Variants in PPARGC1B observed in about 807,000 individuals in gnomAD.
The protein encoded by PPARGC1B is PPARG coactivator 1 beta.
In PPARGC1B, 34 loss-of-function variants were observed where a neutral mutation model predicts 101.6. That is an observed-to-expected ratio of 0.33 (90% CI 0.25 to 0.45). The LOEUF is 0.45. Among genes scored for constraint, PPARGC1B ranks in the 20% least tolerant of loss-of-function variants. PPARGC1B has a pLI of 1.00. For missense variants in PPARGC1B, 1,234 were observed against 1,317.6 expected, an observed-to-expected ratio of 0.94 and a Z score of 0.98; for synonymous variants, 548 against 539.3, an observed-to-expected ratio of 1.02 and a Z score of -0.22.
At position 149,833,461 on chromosome 5, in the gene PPARGC1B, C is replaced by T. The variant is rs759222258; in HGVS notation, c.1388C>T (p.Thr463Met). 78 of 1,571,482 alleles carry T rather than the reference C, an allele frequency of 5.0e-5. No individual in the cohort carries two copies. Among genetic ancestry groups the T allele is most frequent in the Non-Finnish European group, 6.3e-5 (73 of 1,158,276 alleles). ...AGGCCAGGCCGAGGCCTGCCATGGA[C>T]GAAGCTGGGGAGGAAGCTGGAGAGC... ...RKRPGRGLPW[T>M]KLGRKLESSV... Residue 463 changes from threonine (T) to methionine (M), a missense_variant, in exon 5 of 12, where the codon ACG (threonine) becomes ATG (methionine). By Grantham distance (81) the Thr-to-Met change is moderately conservative (BLOSUM62 -1). Transcript: ENST00000309241. This position sits in a 1 kb window ranked among gnomAD's most constrained non-coding sequence, Gnocchi z 4.1.
Position 149,833,038 on chromosome 5 carries a change from A to G in PPARGC1B, c.965A>G (p.Gln322Arg). The G allele has an allele frequency of 6.2e-7, 1 of 1,613,766 alleles. No individual in the cohort carries two copies. The highest frequency in any genetic ancestry group is 2.2e-5 in the East Asian group (1 of 44,874). The change falls in exon 5 of 12, where the codon CAG becomes CGG. Residue 322 changes from glutamine (Q) to arginine (R), a missense_variant. This residue lies in a region of PPARGC1B where 734 missense variants were observed against 768.4 expected (regional missense o/e 0.96). Transcript: ENST00000309241. This position sits in a 1 kb window ranked among gnomAD's most constrained non-coding sequence, Gnocchi z 4.1. ...AAGGCCTGCAGCAACCCCTCCCAGC[A>G]GGTCAGATCCCGGCCCTGGTCCCGG... Reference protein sequence around the residue: ...LPKACSNPSQQVRSRPWSRHH... With the variant: ...LPKACSNPSQRVRSRPWSRHH...
At chr5:149,732,344 TGA>T (rs1311242701) in intron 1 of PPARGC1B, among the ~76,000 whole-genome samples, 1 of 152,148 alleles carries the variant, frequency 6.6e-6, no homozygotes, top group Non-Finnish European at 1.5e-5. Context: ...GAAAAGCGGA[TGA>T]GAGAGGCCTG....
intron 1 of PPARGC1B, among the ~76,000 whole-genome samples, chr5:149,764,523 A>G (rs942337827): frequency 2.0e-5 from 3 of 152,236 alleles, no homozygotes; most frequent in Non-Finnish European, 4.4e-5. Context: ...TGGATTGGAA[A>G]GACTGCATAG....
chr5:149,835,442 G>T, intron 7 of PPARGC1B, 77 bp downstream of exon 7: 1 of 1,315,072 alleles, frequency 7.6e-7, no homozygotes, highest in South Asian at 1.2e-5. Flanking sequence ...TCATGCATGG[G>T]CAAGGTGCCA....
chr5:149,744,351 A>G (rs182073186), intron 1 of PPARGC1B, among the ~76,000 whole-genome samples: 64 of 152,316 alleles, frequency 4.2e-4, no homozygotes, highest in African/African-American at 1.3e-3. Context: ...ATGGGGTGAG[A>G]GGTGAGGATC....
At chr5:149,813,261 A>G (rs2113332990) in intron 1 of PPARGC1B, among the ~76,000 whole-genome samples, 1 of 152,336 alleles carries the variant, frequency 6.6e-6, no homozygotes, top group African/African-American at 2.4e-5. Context: ...AACTTGCCTC[A>G]GATCATCAAA....
At chr5:149,744,824 T>G (rs1024176936) in intron 1 of PPARGC1B, among the ~76,000 whole-genome samples, 10 of 152,148 alleles carry the variant, frequency 6.6e-5, no homozygotes, top group South Asian at 2.1e-4. Flanking sequence ...AAGTGCTGAT[T>G]GGCCTCAAGA....
In PPARGC1B at chr5:149,848,758, T is replaced by C. The variant is rs1321185415; in HGVS notation, c.*1200T>C. ...GGTGGTCTGGGAGCAGTCATCTTTT[T>C]TGGGCCAGCCACCAGCCCATCCTAC... is the stretch of plus-strand genomic sequence containing the variant. On this transcript the variant is annotated 3_prime_UTR_variant, in exon 12 of 12. Coordinates refer to ENST00000309241, the MANE Select transcript of PPARGC1B (RefSeq NM_133263.4). 1 of 152,198 alleles carries C rather than the reference T, an allele frequency of 6.6e-6. No individual in the cohort carries two copies. The highest frequency in any genetic ancestry group is 6.5e-5 in the Admixed American group (1 of 15,284). 9.4% of individuals were successfully genotyped at this position (152,198 alleles called of 1,614,324 possible).
chr5:149,839,933 C>T (rs565342625), intron 8 of PPARGC1B, 108 bp from the exon 9 acceptor site: 19 of 1,143,028 alleles, frequency 1.7e-5, no homozygotes, highest in Middle Eastern at 1.9e-4. Flanking sequence ...TGTGTGCCCT[C>T]GTGAACAAAT....
At chr5:149,844,051 T>C (rs1759452864) in intron 10 of PPARGC1B, among the ~76,000 whole-genome samples, 1 of 152,226 alleles carries the variant, frequency 6.6e-6, no homozygotes, top group Non-Finnish European at 1.5e-5. Flanking sequence ...AGGTGAAAGA[T>C]TTCTGGAGCT....
At position 149,842,204 on chromosome 5, in the gene PPARGC1B, C is replaced by T. The variant is rs897287691; in HGVS notation, c.2695-52C>T. On this transcript the variant is annotated intron_variant, in intron 9 of 11. Transcript: ENST00000309241. ...CACGGGAGCCCACTCCCAGAGGGGC[C>T]CCAGGAAGCCAGGCAATGACGGAGT... The T allele has an allele frequency of 1.9e-6, 3 of 1,598,632 alleles. No individual in the cohort carries two copies. In the African/African-American group the frequency reaches 4.0e-5, roughly 21 times the overall value.
chr5:149,730,885 C>T lies in PPARGC1B; in HGVS notation c.78+465C>T, dbSNP rs766705025. ...GTCCCCTAGTCCTCCAGGCTGTAGT[C>T]CCCAGAGTGCTGTTGCTGGCCCCCC... On this transcript the variant is annotated intron_variant, in intron 1 of 11. Transcript: ENST00000309241. The surrounding 1 kb of genome is among the most constrained non-coding windows in gnomAD (Gnocchi z 4.0). Among the ~76,000 whole-genome samples, 6 of 152,226 alleles carry T rather than the reference C, an allele frequency of 3.9e-5. No homozygotes were observed. Among genetic ancestry groups the T allele is most frequent in the Non-Finnish European group, 8.8e-5 (6 of 68,034 alleles).
rs115449595 is a variant in PPARGC1B at position 149,777,406 on chromosome 5, T to C, written c.79-43027T>C. ...CACCACCCAAACTCTCCTACCTCCTTCCAAAAGCCACCACCCCCTGGGCCA... is the reference window on the plus strand; with the variant it reads ...CACCACCCAAACTCTCCTACCTCCTCCCAAAAGCCACCACCCCCTGGGCCA... On this transcript the variant is annotated intron_variant, in intron 1 of 11. Coordinates refer to ENST00000309241, the MANE Select transcript of PPARGC1B (RefSeq NM_133263.4). Among the ~76,000 whole-genome samples the C allele has an allele frequency of 8.8e-3, 1,336 of 151,558 alleles. 21 individuals carry two copies. The highest frequency in any genetic ancestry group is 0.031 in the African/African-American group (1,273 of 41,326).
At chr5:149,829,597 A>G (rs1184358617) in intron 3 of PPARGC1B, among the ~76,000 whole-genome samples, 1 of 152,000 alleles carries the variant, frequency 6.6e-6, no homozygotes, top group East Asian at 1.9e-4. Context: ...CGGAAAATCT[A>G]GATGTATTCA....
At chr5:149,774,980 G>A (rs773631640) in intron 1 of PPARGC1B, among the ~76,000 whole-genome samples, 9 of 152,122 alleles carry the variant, frequency 5.9e-5, no homozygotes, top group South Asian at 2.1e-4. Flanking sequence ...CCAGAGAGCC[G>A]GGCGAGCTGC....
intron 1 of PPARGC1B, among the ~76,000 whole-genome samples, chr5:149,806,831 TCCTGTCC>T (rs1757618734): frequency 1.3e-5 from 2 of 151,952 alleles, no homozygotes; most frequent in Non-Finnish European, 2.9e-5. Context: ...GCTCTCGAAC[TCCTGTCC>T]TCAGGCCGTC....
chr5:149,855,828 A>C (rs1759933331), downstream of PPARGC1B, among the ~76,000 whole-genome samples: 1 of 152,162 alleles, frequency 6.6e-6, no homozygotes, highest in African/African-American at 2.4e-5. Flanking sequence ...ATATATAAAC[A>C]AGAACAGGCT....
intron 3 of PPARGC1B, among the ~76,000 whole-genome samples, chr5:149,828,339 T>C (rs771885227): frequency 2.6e-4 from 39 of 152,210 alleles, no homozygotes; most frequent in Admixed American, 1.3e-4. Flanking sequence ...GTATGTCCCT[T>C]AGGCATACAT....
At chr5:149,758,475 T>C (rs1162783092) in intron 1 of PPARGC1B, among the ~76,000 whole-genome samples, 1 of 152,244 alleles carries the variant, frequency 6.6e-6, no homozygotes, top group Non-Finnish European at 1.5e-5. Context: ...TTATTATGAT[T>C]GTGTGTTTCA....
Sources: gnomAD v4.1 joint callset for allele counts (sites outside exome capture counted in the v4.1 genomes callset) on GRCh38, gnomAD v4.1.1 for gene constraint, gnomAD v4.1.1 regional missense constraint, Gnocchi (gnomAD v3.1) non-coding constraint, MANE v1.5 for transcripts, NCBI Gene and HGNC (gene_info 2026-07-23, HGNC 2026-07-21) for gene names.